The following KXD1 variants were observed in gnomAD, a reference collection of about 807,000 sequenced individuals.
KXD1 encodes kxDL motif-containing protein 1.
A neutral mutation model predicts 12.1 loss-of-function variants in KXD1; 5 were observed. That is an observed-to-expected ratio of 0.41 (90% CI 0.22 to 0.87). The LOEUF (loss-of-function observed/expected upper bound fraction) is 0.87. Among genes scored for constraint, KXD1 ranks in the 40% least tolerant of loss-of-function variants. The probability of loss-of-function intolerance (pLI) is 0.31; values close to 1 mark genes in which losing one functional copy is unlikely to be tolerated. For missense variants in KXD1, 193 were observed against 244.9 expected (o/e 0.79, Z 1.41); for synonymous variants, 98 against 100.5 (o/e 0.98, Z 0.15).
chr19:18,567,595 C>G (rs1156773273), intron 4 of KXD1, among the ~76,000 whole-genome samples: 1 of 152,144 alleles, frequency 6.6e-6, no homozygotes, highest in Non-Finnish European at 1.5e-5. Flanking sequence ...GTGAGTATCA[C>G]CGTTTCATGG....
intron 2 of KXD1, among the ~76,000 whole-genome samples, chr19:18,564,012 G>A (rs912302823): frequency 2.6e-5 from 4 of 151,760 alleles, no homozygotes; most frequent in Non-Finnish European, 5.9e-5. Context: ...TCAGCCTCCC[G>A]AGTAGCTGGG....
At chr19:18,562,204 T>C in intron 2 of KXD1, 47 bp downstream of exon 2, 1 of 1,433,384 alleles carries the variant, frequency 7.0e-7, no homozygotes, top group Non-Finnish European at 9.6e-7. Flanking sequence ...ATCCACAGGC[T>C]GGCCAACATT....
At position 18,568,854 on chromosome 19, in the gene KXD1, T is replaced by C. The variant is rs973873521; in HGVS notation, c.*223T>C. 1.8e-6 allele frequency: 1 copy of C among 563,352 alleles called. No homozygotes were observed. Among genetic ancestry groups the C allele is most frequent in the African/African-American group, 1.9e-5 (1 of 53,364 alleles). The allele number at this position is 563,352 out of a possible 1,614,324, so 34.9% of individuals were successfully genotyped here. On this transcript the variant is annotated 3_prime_UTR_variant, in exon 5 of 5. Transcript: ENST00000222307. Reference sequence around the variant, plus strand: ...GAACATCTCTATTCTGCAAGACCCCTCTGCCATGCCAGGGCACGCCCATTC... The same window carrying C: ...GAACATCTCTATTCTGCAAGACCCCCCTGCCATGCCAGGGCACGCCCATTC...
rs1321778002 is a variant in KXD1, at chr19:18,569,086, T to A, written c.*455T>A. 1 of 171,192 alleles carries A rather than the reference T, an allele frequency of 5.8e-6. No homozygotes were observed. The highest frequency in any genetic ancestry group is 2.4e-5 in the African/African-American group (1 of 41,992). The allele number at this position is 171,192 out of a possible 1,614,324, so 10.6% of individuals were successfully genotyped here. A position where few individuals can be genotyped will look rare whatever the true frequency, so the allele number is the denominator to read the frequency against. ...CCACTAATTCTGCTTTTCCTGCCCC[T>A]TGCTCCGTAAAAGTATCAAATACTT... On this transcript the variant is annotated 3_prime_UTR_variant, in exon 5 of 5. Transcript: ENST00000222307.
In KXD1 at chr19:18,568,410, G is replaced by C; in HGVS notation, c.310G>C (p.Glu104Gln). 3 of 1,613,592 alleles carry C rather than the reference G, an allele frequency of 1.9e-6. No individual in the cohort carries two copies. Among genetic ancestry groups the C allele is most frequent in the Non-Finnish European group, 2.5e-6 (3 of 1,179,602 alleles). ...GGGCCTCCTTCCCCCAGATATCCCAGAGGCATCCTTCCTGGAGGAAGAGGA... is the reference window on the plus strand; with the variant it reads ...GGGCCTCCTTCCCCCAGATATCCCACAGGCATCCTTCCTGGAGGAAGAGGA... ...QHPEAFSHIPEASFLEEEDED... is the reference protein window; with the variant it reads ...QHPEAFSHIPQASFLEEEDED... Residue 104 changes from glutamate to glutamine, a missense_variant, in exon 5 of 5, where the codon GAG (glutamate) becomes CAG (glutamine). Transcript: ENST00000222307.
Position 18,569,252 on chromosome 19 carries a change from T to C in KXD1, c.*621T>C, listed in dbSNP as rs1975403721. On this transcript the variant is annotated 3_prime_UTR_variant, in exon 5 of 5. Transcript: ENST00000222307. ...AACCTGAGGGGCCAGCAGGCCTCTC[T>C]GAAGGCCTCCATGGAGCAAACGGAG... 2 of 152,954 alleles carry C rather than the reference T, an allele frequency of 1.3e-5. No homozygotes were observed. Among genetic ancestry groups the C allele is most frequent in the Non-Finnish European group, 2.9e-5 (2 of 68,288 alleles). The allele number at this position is 152,954 out of a possible 1,614,324, so 9.5% of individuals were successfully genotyped here. A position where few individuals can be genotyped will look rare whatever the true frequency, so the allele number is the denominator to read the frequency against.
At chr19:18,563,902 T>A (rs2145233535) in intron 2 of KXD1, among the ~76,000 whole-genome samples, 1 of 151,918 alleles carries the variant, frequency 6.6e-6, no homozygotes, top group East Asian at 1.9e-4. Flanking sequence ...TCTCCTTTTT[T>A]TTGAGACATA....
intron 2 of KXD1, among the ~76,000 whole-genome samples, chr19:18,563,267 C>T (rs1975016494): frequency 6.6e-6 from 1 of 151,526 alleles, no homozygotes; most frequent in Non-Finnish European, 1.5e-5. Flanking sequence ...CGACACAGTA[C>T]AGACCTGATT....
At chr19:18,561,286 CTCAT>C (rs1974906912) in intron 1 of KXD1, 1 of 152,430 alleles carries the variant, frequency 6.6e-6, no homozygotes, top group African/African-American at 2.4e-5. Flanking sequence ...GGCGCGGTGG[CTCAT>C]GCCTGTAATC....
intron 2 of KXD1, among the ~76,000 whole-genome samples, chr19:18,564,265 C>A (rs977134067): frequency 3.3e-5 from 5 of 152,112 alleles, no homozygotes; most frequent in Admixed American, 6.6e-5. Context: ...CAGACACAGA[C>A]CCTCCTGGCC....
At chr19:18,568,318 C>T (rs1975361415) in intron 4 of KXD1, 84 bp from the exon 5 acceptor site, 5 of 995,722 alleles carry the variant, frequency 5.0e-6, no homozygotes, top group African/African-American at 3.2e-5. Context: ...TGAGGGCAGC[C>T]GTTAGGGGTC....
In KXD1 at chr19:18,568,514, C is replaced by T. The variant is rs751651538; in HGVS notation, c.414C>T (p.Pro138=). The part of the protein sequence containing the change: ...EQSTGSCDTS[P]DTVSPSLSPG... ...GCACGGGCTCATGTGACACCAGCCC[C>T]GACACCGTCTCGCCCTCCCTGAGCC... The change falls in exon 5 of 5, where the codon CCC becomes CCT. Residue 138 remains proline (P), a synonymous_variant. Transcript: ENST00000222307. The T allele has an allele frequency of 8.7e-6, 14 of 1,613,982 alleles. No individual in the cohort carries two copies. The highest frequency in any genetic ancestry group is 2.2e-5 in the East Asian group (1 of 44,892).
intron 3 of KXD1, 68 bp from the exon 4 acceptor site, chr19:18,567,064 G>C (rs1439842259): frequency 6.7e-7 from 1 of 1,492,834 alleles, no homozygotes; most frequent in Admixed American, 1.8e-5. Flanking sequence ...GCAGGGGCTT[G>C]TGGCCAGCAC....
intron 3 of KXD1, chr19:18,565,322 C>T (rs575606844): frequency 2.2e-5 from 12 of 538,442 alleles, no homozygotes; most frequent in South Asian, 5.9e-5. Flanking sequence ...CTCCGCTTCC[C>T]GGGCTCACGC....
chr19:18,568,596 A>T lies in KXD1; in HGVS notation c.496A>T (p.Ser166Cys). The change falls in exon 5 of 5, where the codon AGC becomes TGC. Residue 166 changes from serine (S) to cysteine (C), a missense_variant. Ser to Cys is a moderately radical substitution (Grantham distance 112, BLOSUM62 -1). Transcript: ENST00000222307. ...TGGCTCCCCAGCCATCAACGGCCGCAGCCAGACAGATGACGAGGAGATGAC... is the reference window on the plus strand; with the variant it reads ...TGGCTCCCCAGCCATCAACGGCCGCTGCCAGACAGATGACGAGGAGATGAC... Reference protein sequence around the residue: ...QPGSPAINGRSQTDDEEMTGE With the variant: ...QPGSPAINGRCQTDDEEMTGE 2 of 1,612,830 alleles carry T rather than the reference A, an allele frequency of 1.2e-6. No individual in the cohort carries two copies. The highest frequency in any genetic ancestry group is 2.2e-5 in the South Asian group (2 of 91,086).
intron 2 of KXD1, among the ~76,000 whole-genome samples, chr19:18,564,605 G>A (rs1292766323): frequency 1.3e-5 from 2 of 152,034 alleles, no homozygotes; most frequent in Non-Finnish European, 2.9e-5. Flanking sequence ...CCTGGGTGAC[G>A]AAGCAAGACT....
chr19:18,562,522 G>A (rs1329768557), intron 2 of KXD1, among the ~76,000 whole-genome samples: 1 of 152,210 alleles, frequency 6.6e-6, no homozygotes. Context: ...GTGCAATGGT[G>A]TGACCTTGCC....
rs1413797241 is a variant in KXD1 at position 18,561,645 on chromosome 19, T to C, written c.-21-391T>C. The stretch of plus-strand genomic sequence containing the variant: ...ATTGACCTCTTGGGAGAGGAGACAT[T>C]GGAGGTGGTGATGATTTGCTGAAGC... On this transcript the variant is annotated intron_variant, in intron 1 of 4. Transcript: ENST00000222307. The C allele has an allele frequency of 5.1e-5, 8 of 156,734 alleles. No homozygotes were observed. In the South Asian group the frequency reaches 7.6e-4, roughly 15 times the overall value. The allele number at this position is 156,734 out of a possible 1,614,324, so 9.7% of individuals were successfully genotyped here.
chr19:18,562,820 C>T (rs1481404928), intron 2 of KXD1, among the ~76,000 whole-genome samples: 1 of 152,200 alleles, frequency 6.6e-6, no homozygotes, highest in Non-Finnish European at 1.5e-5. Flanking sequence ...TCTCCCAGAG[C>T]CCAGGCTGTG....
Sources: allele counts gnomAD v4.1 joint callset (sites outside exome capture counted in the v4.1 genomes callset), GRCh38; gene constraint gnomAD v4.1.1; transcripts MANE v1.5; gene names NCBI Gene and HGNC (gene_info 2026-07-23, HGNC 2026-07-21).